The following MAPKAP1 variants were observed in gnomAD, a reference collection of about 807,000 sequenced individuals.
The protein encoded by MAPKAP1 is MAPK associated protein 1.
In MAPKAP1, 20 loss-of-function variants were observed where a neutral mutation model predicts 65.7. The ratio of observed to expected loss-of-function variants is 0.30; its 90% CI spans 0.21 to 0.44. MAPKAP1 has a LOEUF of 0.44. Ranked by LOEUF, MAPKAP1 falls within the 20% of genes least tolerant of loss-of-function variation. The pLI is 1.00. For synonymous variants in MAPKAP1, 222 were observed against 244.3 expected (o/e 0.91, Z 0.85); for missense variants, 423 against 648.0 (o/e 0.65, Z 3.77).
intron 4 of MAPKAP1, among the ~76,000 whole-genome samples, chr9:125,592,752 A>T (rs571199291): frequency 6.6e-6 from 1 of 151,966 alleles, no homozygotes; most frequent in Non-Finnish European, 1.5e-5. Context: ...AAATACAAAA[A>T]ATTAGCCGGG....
At chr9:125,671,518 C>A (rs1834496896) in intron 2 of MAPKAP1, among the ~76,000 whole-genome samples, 1 of 151,806 alleles carries the variant, frequency 6.6e-6, no homozygotes, top group Non-Finnish European at 1.5e-5. Context: ...TTCTGATTAT[C>A]TAAAAAAAAT....
At chr9:125,670,751 C>T (rs1028713835) in intron 2 of MAPKAP1, among the ~76,000 whole-genome samples, 12 of 152,124 alleles carry the variant, frequency 7.9e-5, no homozygotes, top group Admixed American at 3.9e-4. Flanking sequence ...TAACAACTGC[C>T]GCATACAGAG....
chr9:125,582,040 T>A (rs1831641703), intron 5 of MAPKAP1, among the ~76,000 whole-genome samples: 1 of 152,214 alleles, frequency 6.6e-6, no homozygotes, highest in Non-Finnish European at 1.5e-5. Flanking sequence ...TTTCATTCTT[T>A]GTACCTCTTT....
Position 125,660,782 on chromosome 9 carries a change from A to C in MAPKAP1, c.350-2983T>G, listed in dbSNP as rs1834162205. On this transcript the variant is annotated intron_variant, in intron 3 of 11. Coordinates refer to ENST00000265960, the MANE Select transcript of MAPKAP1 (RefSeq NM_001006617.3). Reference sequence around the variant, plus strand: ...CAACCGCTAGCAACGCTGTGTTATCATCACCTTAAAACCCGCTTTACTGTT... The same window carrying C: ...CAACCGCTAGCAACGCTGTGTTATCCTCACCTTAAAACCCGCTTTACTGTT... 2.0e-5 allele frequency among the ~76,000 whole-genome samples: 3 copies of C among 152,184 alleles called. No homozygotes were observed. In the South Asian group the frequency reaches 6.2e-4, roughly 32 times the overall value.
chr9:125,481,424 G>A (rs988127967), intron 9 of MAPKAP1, among the ~76,000 whole-genome samples: 1 of 152,064 alleles, frequency 6.6e-6, no homozygotes, highest in Non-Finnish European at 1.5e-5. Context: ...TACTTATTGG[G>A]CTTCTTTTTT....
intron 4 of MAPKAP1, chr9:125,596,168 T>C: frequency 2.6e-6 from 2 of 770,776 alleles, no homozygotes; most frequent in Non-Finnish European, 4.7e-6. Context: ...AAAAACACCA[T>C]ACTGTGAATG....
intron 5 of MAPKAP1, among the ~76,000 whole-genome samples, chr9:125,581,550 G>A (rs1831626515): frequency 6.6e-6 from 1 of 152,130 alleles, no homozygotes; most frequent in South Asian, 2.1e-4. Flanking sequence ...ACTTTCTACT[G>A]TTGGGTTCTC....
At chr9:125,557,288 C>T (rs1830763606) in intron 6 of MAPKAP1, among the ~76,000 whole-genome samples, 1 of 152,104 alleles carries the variant, frequency 6.6e-6, no homozygotes. Flanking sequence ...TAAAAAAGGA[C>T]TTCTGGTTCA....
intron 1 of MAPKAP1, among the ~76,000 whole-genome samples, chr9:125,704,950 T>C (rs1345943016): frequency 2.6e-5 from 4 of 152,202 alleles, no homozygotes; most frequent in Admixed American, 2.6e-4. Flanking sequence ...TGGAGTTATG[T>C]GTCGAAGGTC....
chr9:125,488,037 A>C (rs1231392587), intron 8 of MAPKAP1, among the ~76,000 whole-genome samples: 2 of 152,338 alleles, frequency 1.3e-5, no homozygotes, highest in East Asian at 3.9e-4. Context: ...AAGGCTTGTC[A>C]ATATCCTTGT....
rs1393047279 is a variant in MAPKAP1 at position 125,685,174 on chromosome 9, C to T, written c.-69-12531G>A. 4.0e-5 allele frequency among the ~76,000 whole-genome samples: 6 copies of T among 151,744 alleles called. No homozygotes were observed. In the East Asian group the frequency reaches 1.2e-3, roughly 29 times the overall value. On this transcript the variant is annotated intron_variant, in intron 1 of 11. Coordinates refer to ENST00000265960, the MANE Select transcript of MAPKAP1 (RefSeq NM_001006617.3). ...AGAAGGCAAAGTCCTGCCCTCATGG[C>T]AGGACAAAGAAGTAAATTATATAGT...
chr9:125,468,757 G>T (rs1276206888), intron 9 of MAPKAP1, among the ~76,000 whole-genome samples: 4 of 152,178 alleles, frequency 2.6e-5, no homozygotes, highest in Non-Finnish European at 5.9e-5. Flanking sequence ...AGAGGTCATT[G>T]CCCCCCTGCT....
intron 4 of MAPKAP1, among the ~76,000 whole-genome samples, chr9:125,614,469 C>T (rs951498190): frequency 6.6e-6 from 1 of 152,090 alleles, no homozygotes; most frequent in South Asian, 2.1e-4. Flanking sequence ...ACTAAAAACA[C>T]AAAACTTAGC....
intron 7 of MAPKAP1, chr9:125,521,394 C>T: frequency 1.1e-6 from 1 of 877,160 alleles, no homozygotes; most frequent in Non-Finnish European, 1.4e-6. Flanking sequence ...ATCTGTTTCT[C>T]TTAACTTGAG....
intron 1 of MAPKAP1, among the ~76,000 whole-genome samples, chr9:125,704,219 C>T (rs1835691672): frequency 6.6e-6 from 1 of 152,208 alleles, no homozygotes; most frequent in Non-Finnish European, 1.5e-5. Flanking sequence ...TCCCCTCTAT[C>T]TTACAGCTCT....
intron 1 of MAPKAP1, among the ~76,000 whole-genome samples, chr9:125,680,086 AT>A (rs376323041): frequency 0.083 from 11,703 of 141,704 alleles, 509 homozygotes; most frequent in African/African-American, 0.14. Flanking sequence ...CAGATGCGAG[AT>A]TTTTTTTTTT....
chr9:125,629,054 AAC>A (rs71374284), intron 4 of MAPKAP1, among the ~76,000 whole-genome samples: 40,759 of 147,162 alleles, frequency 0.28, 5,777 homozygotes, highest in Middle Eastern at 0.33. Flanking sequence ...TCACTGTCAA[AAC>A]ACACACACAC....
chr9:125,489,458 A>G (rs1483906124), intron 8 of MAPKAP1, among the ~76,000 whole-genome samples: 1 of 152,236 alleles, frequency 6.6e-6, no homozygotes, highest in Non-Finnish European at 1.5e-5. Context: ...TCAAGCTGCA[A>G]TAACTCAAAG....
At chr9:125,532,009 T>C (rs570606745) in intron 7 of MAPKAP1, among the ~76,000 whole-genome samples, 9 of 152,298 alleles carry the variant, frequency 5.9e-5, no homozygotes, top group Middle Eastern at 3.4e-3. Flanking sequence ...CGTCAATATA[T>C]AGATTCCCAA....
Sources: gnomAD v4.1 joint callset for allele counts (sites outside exome capture counted in the v4.1 genomes callset) on GRCh38, gnomAD v4.1.1 for gene constraint, MANE v1.5 for transcripts, NCBI Gene and HGNC (gene_info 2026-07-23, HGNC 2026-07-21) for gene names.